Variants in SMCO4 observed in about 807,000 individuals in gnomAD.
SMCO4 encodes single-pass membrane and coiled-coil domain-containing protein 4.
In SMCO4, 4 loss-of-function variants were observed where a neutral mutation model predicts 3.6. The ratio of observed to expected loss-of-function variants is 1.11; its 90% CI spans 0.54 to 2.53. The LOEUF is 2.53. Among genes scored for constraint, SMCO4 ranks in the 30% most tolerant of loss-of-function variants. The pLI, the probability that SMCO4 is intolerant of heterozygous loss-of-function variation, is 0.02. For missense variants in SMCO4, 70 were observed against 80.8 expected (o/e 0.87, Z 0.51); for synonymous variants, 36 against 35.3 (o/e 1.02, Z -0.07).
chr11:93,517,452 C>A (rs574066067), intron 1 of SMCO4, among the ~76,000 whole-genome samples: 5 of 152,328 alleles, frequency 3.3e-5, no homozygotes, highest in Admixed American at 1.3e-4. Flanking sequence ...ACTGACTGCA[C>A]ATGGTTATGG....
chr11:93,491,324 C>T (rs533156325), intron 2 of SMCO4, among the ~76,000 whole-genome samples: 2 of 152,298 alleles, frequency 1.3e-5, no homozygotes, highest in East Asian at 3.9e-4. Flanking sequence ...CCCTGGAGGC[C>T]ATGTTAGGGC....
intron 1 of SMCO4, among the ~76,000 whole-genome samples, chr11:93,531,340 A>T (rs1949159560): frequency 6.6e-6 from 1 of 152,092 alleles, no homozygotes; most frequent in South Asian, 2.1e-4. Flanking sequence ...TTTGGACTAG[A>T]ACTTACACCA....
intron 1 of SMCO4, among the ~76,000 whole-genome samples, chr11:93,542,889 G>A (rs1949282440): frequency 6.6e-6 from 1 of 152,102 alleles, no homozygotes; most frequent in Admixed American, 6.5e-5. Context: ...CCTCCCGGCC[G>A]CCCCGGCCCA....
chr11:93,551,776 A>T, the SMCO4 span, among the ~76,000 whole-genome samples: 2 of 152,236 alleles, frequency 1.3e-5, no homozygotes, highest in Non-Finnish European at 2.9e-5. Flanking sequence ...AATTTTCAGC[A>T]TTTAGTAGTG....
Position 93,506,484 on chromosome 11 carries a change from G to A in SMCO4, c.-153-7136C>T, listed in dbSNP as rs568696288. 1.9e-3 allele frequency among the ~76,000 whole-genome samples: 283 copies of A among 151,414 alleles called. 1 individual carries two copies. The highest frequency in any genetic ancestry group is 6.7e-3 in the African/African-American group (276 of 41,224). Reference sequence around the variant, plus strand: ...GATGGAGTCTCGCTCTGTCGCCCAGGCTGGAGTACAGTGGCACGATCTCGG... The same window carrying A: ...GATGGAGTCTCGCTCTGTCGCCCAGACTGGAGTACAGTGGCACGATCTCGG... On this transcript the variant is annotated intron_variant, in intron 1 of 2. Transcript: ENST00000298966.
chr11:93,489,690 G>A (rs1372131694), intron 2 of SMCO4, among the ~76,000 whole-genome samples: 2 of 152,378 alleles, frequency 1.3e-5, no homozygotes, highest in Non-Finnish European at 2.9e-5. Flanking sequence ...AAAAGTCCCT[G>A]GCATAGGCCC....
intron 2 of SMCO4, 136 bp from the exon 3 acceptor site, chr11:93,479,405 G>C: frequency 3.6e-6 from 3 of 825,766 alleles, no homozygotes; most frequent in Non-Finnish European, 5.2e-6. Context: ...GCCACACCAG[G>C]CTCTAAGTTC....
chr11:93,531,799 G>A (rs1233641235), intron 1 of SMCO4, among the ~76,000 whole-genome samples: 3 of 152,198 alleles, frequency 2.0e-5, no homozygotes, highest in African/African-American at 7.2e-5. Context: ...GAACTGCTTA[G>A]GCAAACCTGC....
chr11:93,524,479 C>CT (rs1476256256), intron 1 of SMCO4, among the ~76,000 whole-genome samples: 1 of 152,112 alleles, frequency 6.6e-6, no homozygotes, highest in Non-Finnish European at 1.5e-5. Context: ...AGTGACTTCC[C>CT]TTAAGAATCC....
rs377146044 is a variant in SMCO4 at position 93,509,447 on chromosome 11, C to T, written c.-153-10099G>A. 9.2e-5 allele frequency among the ~76,000 whole-genome samples: 14 copies of T among 152,258 alleles called. No homozygotes were observed. The East Asian group carries it at 2.3e-3, about 25-fold the overall frequency. On this transcript the variant is annotated intron_variant, in intron 1 of 2. Coordinates refer to ENST00000298966, the MANE Select transcript of SMCO4 (RefSeq NM_020179.3). ...ACTAAAAGTAGGACCACCATTTTAT[C>T]CAGCAACCCCACAATCCCAGTATCT...
chr11:93,542,571 G>A (rs1490895850), intron 1 of SMCO4, among the ~76,000 whole-genome samples: 1 of 152,190 alleles, frequency 6.6e-6, no homozygotes, highest in Non-Finnish European at 1.5e-5. Context: ...GGCCCCAGCA[G>A]CAGAGGAAGC....
intron 1 of SMCO4, chr11:93,537,816 G>A (rs1949240551): frequency 6.6e-6 from 1 of 151,796 alleles, no homozygotes; most frequent in African/African-American, 2.4e-5. Context: ...CAGAAAGTGG[G>A]TGAGCAGACT....
chr11:93,478,930 A>G lies in SMCO4; in HGVS notation c.*80T>C. 1.3e-6 allele frequency: 2 copies of G among 1,504,598 alleles called. No homozygotes were observed. Among genetic ancestry groups the G allele is most frequent in the Non-Finnish European group, 1.8e-6 (2 of 1,127,376 alleles). The allele number at this position is 1,504,598 out of a possible 1,614,324, so 93.2% of individuals were successfully genotyped here. A position where few individuals can be genotyped will look rare whatever the true frequency, so the allele number is the denominator to read the frequency against. ...AGCTCAGCAACATGAACATCTCTGAATATGAAAGCCATTTTTTGTTTGCGT... is the reference window on the plus strand; with the variant it reads ...AGCTCAGCAACATGAACATCTCTGAGTATGAAAGCCATTTTTTGTTTGCGT... On this transcript the variant is annotated 3_prime_UTR_variant, in exon 3 of 3. Coordinates refer to ENST00000298966, the MANE Select transcript of SMCO4 (RefSeq NM_020179.3).
chr11:93,538,339 T>C (rs1254507484), intron 1 of SMCO4, among the ~76,000 whole-genome samples: 2 of 152,168 alleles, frequency 1.3e-5, no homozygotes, highest in Admixed American at 1.3e-4. Flanking sequence ...CTAGGGCAGA[T>C]CAACTCTTAT....
At chr11:93,535,823 G>A in intron 1 of SMCO4, 2 of 1,588,770 alleles carry the variant, frequency 1.3e-6, no homozygotes, top group Non-Finnish European at 1.7e-6. Flanking sequence ...GCACAGTAAA[G>A]GACATACATT....
At chr11:93,521,675 T>C (rs1443615208) in intron 1 of SMCO4, among the ~76,000 whole-genome samples, 1 of 152,204 alleles carries the variant, frequency 6.6e-6, no homozygotes, top group Non-Finnish European at 1.5e-5. Flanking sequence ...AGAGACAGTA[T>C]TCTGCAAATT....
intron 1 of SMCO4, among the ~76,000 whole-genome samples, chr11:93,510,282 C>CA (rs1948945503): frequency 1.3e-5 from 2 of 152,190 alleles, no homozygotes; most frequent in South Asian, 4.1e-4. Flanking sequence ...GAAAGCTCTC[C>CA]AAGCTCAAAT....
the SMCO4 span, among the ~76,000 whole-genome samples, chr11:93,549,204 G>A: frequency 6.6e-5 from 10 of 152,254 alleles, no homozygotes; most frequent in East Asian, 1.5e-3. Flanking sequence ...TTCCACCGTA[G>A]GGGAGCTACT....
chr11:93,535,726 C>T, intron 1 of SMCO4: 2 of 1,613,798 alleles, frequency 1.2e-6, no homozygotes, highest in South Asian at 2.2e-5. Flanking sequence ...TTCAAACCTC[C>T]TGAGAGCTAA....
Sources: gnomAD v4.1 joint callset for allele counts (sites outside exome capture counted in the v4.1 genomes callset) on GRCh38, gnomAD v4.1.1 for gene constraint, MANE v1.5 for transcripts, NCBI Gene and HGNC (gene_info 2026-07-23, HGNC 2026-07-21) for gene names.